MALRD1: variants seen among roughly 807,000 people sequenced by gnomAD.
MALRD1 encodes MAM and LDL-receptor class A domain-containing protein 1.
Under a neutral mutation model 242.1 loss-of-function variants are expected in MALRD1, and 247 were observed. The observed-to-expected ratio is 1.02, with a 90% confidence interval of 0.92 to 1.13. The LOEUF is 1.13. Among genes scored for constraint, MALRD1 ranks in the 50% most tolerant of loss-of-function variants. MALRD1 has a pLI of 0.00. For synonymous variants in MALRD1, 995 were observed against 866.6 expected, an observed-to-expected ratio of 1.15 and a Z score of -2.60; for missense variants, 2,989 against 2,533.1, an observed-to-expected ratio of 1.18 and a Z score of -3.86.
At chr10:19,530,340 T>TA (rs1564416847) in intron 31 of MALRD1, among the ~76,000 whole-genome samples, 5 of 131,678 alleles carry the variant, frequency 3.8e-5, no homozygotes, top group African/African-American at 1.1e-4. Context: ...TATATAATAT[T>TA]TATATAAATA....
At chr10:19,123,673 G>A (rs761158803) in intron 6 of MALRD1, 80 bp downstream of exon 6, 49 of 776,302 alleles carry the variant, frequency 6.3e-5, no homozygotes, top group Non-Finnish European at 7.5e-5. Context: ...GAAAGTGCAC[G>A]CGCCAACCTT....
chr10:19,312,400 A>ATATGTGTG (rs1491220851), intron 21 of MALRD1, among the ~76,000 whole-genome samples: 3 of 143,632 alleles, frequency 2.1e-5, no homozygotes, highest in African/African-American at 7.7e-5. Flanking sequence ...ATATATATAT[A>ATATGTGTG]TGTGTATATG....
At chr10:19,667,791 T>A (rs1841739735) in intron 36 of MALRD1, among the ~76,000 whole-genome samples, 1 of 152,158 alleles carries the variant, frequency 6.6e-6, no homozygotes, top group African/African-American at 2.4e-5. Context: ...TCTTTATAAA[T>A]TACCCAGGGT....
intron 29 of MALRD1, among the ~76,000 whole-genome samples, chr10:19,466,628 C>G (rs1836228563): frequency 6.6e-6 from 1 of 152,140 alleles, no homozygotes. Context: ...TGTGTTATTA[C>G]AAGTTCTTTC....
intron 2 of MALRD1, among the ~76,000 whole-genome samples, chr10:19,075,918 A>G (rs555413864): frequency 6.6e-6 from 1 of 152,158 alleles, no homozygotes; most frequent in East Asian, 1.9e-4. Flanking sequence ...TTGATTGTCT[A>G]TTCTTGCTAA....
At chr10:19,102,653 C>A (rs759808661) in intron 4 of MALRD1, among the ~76,000 whole-genome samples, 1 of 137,380 alleles carries the variant, frequency 7.3e-6, no homozygotes, top group African/African-American at 2.8e-5. Context: ...CATCCATGAA[C>A]AAAGCCTCTA....
chr10:19,171,485 T>TATGTGTCTATGTGTGTATATAA (rs1406913426), intron 13 of MALRD1, among the ~76,000 whole-genome samples: 22 of 140,422 alleles, frequency 1.6e-4, no homozygotes, highest in Non-Finnish European at 3.2e-4. Context: ...CACACACATA[T>TATGTGTCTATGTGTGTATATAA]ATACACACAC....
intron 36 of MALRD1, among the ~76,000 whole-genome samples, chr10:19,654,740 A>C (rs1453791588): frequency 6.6e-6 from 1 of 152,218 alleles, no homozygotes; most frequent in Non-Finnish European, 1.5e-5. Flanking sequence ...AGACAGAACG[A>C]AAATTGAAGC....
chr10:19,474,639 CTTTA>C (rs1391669294), intron 29 of MALRD1, among the ~76,000 whole-genome samples: 2 of 151,790 alleles, frequency 1.3e-5, no homozygotes, highest in South Asian at 2.1e-4. Flanking sequence ...TATTTTATAA[CTTTA>C]TTTAGAAAGT....
chr10:19,601,694 T>A (rs891092856), intron 34 of MALRD1, among the ~76,000 whole-genome samples: 10 of 152,056 alleles, frequency 6.6e-5, no homozygotes, highest in Non-Finnish European at 8.8e-5. Context: ...ATAACACTTA[T>A]AAATTAGAGC....
chr10:19,630,441 A>G (rs1839853625), intron 36 of MALRD1, among the ~76,000 whole-genome samples: 2 of 152,242 alleles, frequency 1.3e-5, no homozygotes, highest in South Asian at 4.1e-4. Context: ...TATAGGGGGA[A>G]TTCTAAGTTT....
At chr10:19,536,803 A>G (rs1446593125) in intron 32 of MALRD1, among the ~76,000 whole-genome samples, 2 of 152,156 alleles carry the variant, frequency 1.3e-5, no homozygotes, top group Non-Finnish European at 2.9e-5. Context: ...AAAACAGGTA[A>G]ACAAACAAAA....
chr10:19,248,063 G>A (rs1839141254), intron 18 of MALRD1, among the ~76,000 whole-genome samples: 1 of 151,938 alleles, frequency 6.6e-6, no homozygotes, highest in Admixed American at 6.6e-5. Flanking sequence ...AAATGAACAT[G>A]GTTTAATCAT....
chr10:19,085,772 A>G (rs997015727), intron 2 of MALRD1, among the ~76,000 whole-genome samples: 5 of 152,008 alleles, frequency 3.3e-5, no homozygotes, highest in Admixed American at 1.3e-4. Context: ...GATTTTTAAT[A>G]TCAAGCTTTT....
At chr10:19,100,233 C>T (rs1168094696) in intron 4 of MALRD1, among the ~76,000 whole-genome samples, 1 of 152,108 alleles carries the variant, frequency 6.6e-6, no homozygotes. Context: ...GTAAATTTCC[C>T]TCCACTTCGA....
intron 29 of MALRD1, among the ~76,000 whole-genome samples, chr10:19,455,526 T>C (rs975146932): frequency 6.6e-6 from 1 of 152,188 alleles, no homozygotes; most frequent in African/African-American, 2.4e-5. Flanking sequence ...GTTTTTCATC[T>C]ATAAAATAGT....
At chr10:19,406,496 A>G (rs1295862232) in intron 28 of MALRD1, among the ~76,000 whole-genome samples, 1 of 152,144 alleles carries the variant, frequency 6.6e-6, no homozygotes, top group African/African-American at 2.4e-5. Flanking sequence ...CCTCGATGAG[A>G]TCCCGTCAGG....
intron 18 of MALRD1, among the ~76,000 whole-genome samples, chr10:19,256,012 G>A (rs1053897967): frequency 6.6e-6 from 1 of 152,046 alleles, no homozygotes; most frequent in Non-Finnish European, 1.5e-5. Flanking sequence ...AGCTATGAAT[G>A]TGTATATATC....
At chr10:19,411,931 G>C (rs1833291526) in intron 28 of MALRD1, among the ~76,000 whole-genome samples, 1 of 152,240 alleles carries the variant, frequency 6.6e-6, no homozygotes, top group Admixed American at 6.5e-5. Flanking sequence ...TGGGACAACT[G>C]ACTGTTCACT....
Sources: gnomAD v4.1 joint callset for allele counts (sites outside exome capture counted in the v4.1 genomes callset) on GRCh38, gnomAD v4.1.1 for gene constraint, MANE v1.5 for transcripts, NCBI Gene and HGNC (gene_info 2026-07-23, HGNC 2026-07-21) for gene names.